The following PID1 variants were observed in gnomAD, a reference collection of about 807,000 sequenced individuals.
PID1 encodes the protein PTB-containing, cubilin and LRP1-interacting protein.
In PID1, 10 loss-of-function variants were observed where a neutral mutation model predicts 19.1. The ratio of observed to expected loss-of-function variants is 0.52; its 90% CI spans 0.32 to 0.89. The LOEUF (loss-of-function observed/expected upper bound fraction) is 0.89, where lower values mean the gene tolerates loss of function less well. Among genes scored for constraint, PID1 ranks in the 40% least tolerant of loss-of-function variants. PID1 has a pLI of 0.03. For missense variants in PID1, 248 were observed against 285.3 expected (o/e 0.87, Z 0.94); for synonymous variants, 130 against 116.0 (o/e 1.12, Z -0.78).
chr2:229,038,341 A>G (rs190922368), intron 2 of PID1, among the ~76,000 whole-genome samples: 174 of 152,332 alleles, frequency 1.1e-3, no homozygotes, highest in African/African-American at 4.0e-3. Flanking sequence ...ATCATGGGAT[A>G]CCACTCAGCA....
chr2:229,059,956 T>A (rs558028234), intron 2 of PID1, among the ~76,000 whole-genome samples: 15 of 152,100 alleles, frequency 9.9e-5, no homozygotes, highest in Non-Finnish European at 2.1e-4. Flanking sequence ...CAGGTCCTAT[T>A]TTTTCCCACC....
intron 1 of PID1, among the ~76,000 whole-genome samples, chr2:229,244,072 T>C (rs948007896): frequency 1.3e-5 from 2 of 152,170 alleles, no homozygotes; most frequent in Admixed American, 6.5e-5. Flanking sequence ...ATTTCTAATA[T>C]AAACATAAGA....
chr2:229,052,289 A>G (rs1047119942), intron 2 of PID1, among the ~76,000 whole-genome samples: 2 of 151,798 alleles, frequency 1.3e-5, no homozygotes, highest in African/African-American at 4.8e-5. Context: ...GCCCCTGGGG[A>G]AAAAAAAATC....
chr2:229,107,503 C>CAAAAAAAAAA (rs36057425), intron 2 of PID1, among the ~76,000 whole-genome samples: 2 of 119,238 alleles, frequency 1.7e-5, no homozygotes, highest in African/African-American at 3.1e-5. Flanking sequence ...AATATATCAC[C>CAAAAAAAAAA]AAAAAAAAAA....
chr2:229,207,623 C>T (rs768567825), intron 1 of PID1, among the ~76,000 whole-genome samples: 6 of 151,318 alleles, frequency 4.0e-5, no homozygotes, highest in Non-Finnish European at 7.4e-5. Flanking sequence ...CAGATGCAGA[C>T]GGTCAGACCC....
intron 2 of PID1, among the ~76,000 whole-genome samples, chr2:229,065,084 C>G (rs768003102): frequency 6.6e-6 from 1 of 152,138 alleles, no homozygotes; most frequent in Non-Finnish European, 1.5e-5. Flanking sequence ...ACAGCTTGCA[C>G]AGATGAACAG....
At chr2:229,232,059 C>T (rs530064354) in intron 1 of PID1, 7 of 1,538,322 alleles carry the variant, frequency 4.6e-6, no homozygotes, top group South Asian at 2.4e-5. Flanking sequence ...GAACATGGCA[C>T]GAAGCCTCTT....
chr2:229,127,875 C>T (rs1215504820), intron 2 of PID1, among the ~76,000 whole-genome samples: 4 of 152,240 alleles, frequency 2.6e-5, no homozygotes, highest in Non-Finnish European at 4.4e-5. Context: ...ATCTGTCTGT[C>T]TGTCTCTCTC....
At chr2:229,028,312 T>C (rs1453247107) in intron 2 of PID1, among the ~76,000 whole-genome samples, 1 of 152,234 alleles carries the variant, frequency 6.6e-6, no homozygotes, top group African/African-American at 2.4e-5. Context: ...TTTTACCCAA[T>C]ATTTTTAATC....
chr2:229,092,868 C>G (rs951178955), intron 2 of PID1, among the ~76,000 whole-genome samples: 2 of 152,192 alleles, frequency 1.3e-5, no homozygotes, highest in African/African-American at 4.8e-5. Context: ...TTGCCAAATT[C>G]TGGGTAAGAG....
At chr2:229,187,112 T>C (rs181394175) in intron 1 of PID1, among the ~76,000 whole-genome samples, 1 of 152,304 alleles carries the variant, frequency 6.6e-6, no homozygotes, top group African/African-American at 2.4e-5. Context: ...CTGGACCTTA[T>C]TGTTCGTATC....
chr2:229,110,265 A>G (rs974621436), intron 2 of PID1, among the ~76,000 whole-genome samples: 1 of 152,184 alleles, frequency 6.6e-6, no homozygotes. Context: ...ACTCAGAGTT[A>G]GCTGTGGAAG....
intron 1 of PID1, among the ~76,000 whole-genome samples, chr2:229,163,746 A>G (rs1160679042): frequency 2.0e-5 from 3 of 151,932 alleles, no homozygotes; most frequent in African/African-American, 7.2e-5. Flanking sequence ...ACACACACAC[A>G]CGCACACACA....
chr2:229,124,854 C>A (rs1695590911), intron 2 of PID1, among the ~76,000 whole-genome samples: 1 of 152,114 alleles, frequency 6.6e-6, no homozygotes, highest in Non-Finnish European at 1.5e-5. Context: ...AAGTCCTTAA[C>A]CAGCAAAAGA....
intron 1 of PID1, among the ~76,000 whole-genome samples, chr2:229,174,061 T>C (rs1309945525): frequency 6.6e-6 from 1 of 152,188 alleles, no homozygotes; most frequent in Non-Finnish European, 1.5e-5. Context: ...TGTTTCTGCA[T>C]GCACAAAAGG....
rs181123389 is a variant in PID1 at position 229,029,147 on chromosome 2, C to T, written c.178-3039G>A. ...CATGCTCACTACCTGGGCAACGGGA[C>T]CATTAACACACCAAACCTCGGCAAC... On this transcript the variant is annotated intron_variant, in intron 2 of 2. Transcript: ENST00000392055. 6.1e-4 allele frequency among the ~76,000 whole-genome samples: 93 copies of T among 151,840 alleles called. 1 individual carries two copies. The highest frequency in any genetic ancestry group is 6.1e-3 in the Admixed American group (93 of 15,246).
At chr2:229,270,993 C>T (rs775621762) in intron 1 of PID1, 21 bp downstream of exon 1, 1 of 1,329,672 alleles carries the variant, frequency 7.5e-7, no homozygotes, top group Non-Finnish European at 9.7e-7. Flanking sequence ...GGCTGGCCCC[C>T]GGCTCCCGGG....
At chr2:229,028,851 G>A (rs898747691) in intron 2 of PID1, among the ~76,000 whole-genome samples, 1 of 152,154 alleles carries the variant, frequency 6.6e-6, no homozygotes, top group East Asian at 1.9e-4. Flanking sequence ...AATTTCATAC[G>A]AAGTTACCCT....
intron 2 of PID1, among the ~76,000 whole-genome samples, chr2:229,145,209 A>G (rs1419581753): frequency 6.8e-6 from 1 of 146,920 alleles, no homozygotes; most frequent in Non-Finnish European, 1.5e-5. Context: ...CAGCATTTTA[A>G]AAGTTAACAT....
Sources: gnomAD v4.1 joint callset for allele counts (sites outside exome capture counted in the v4.1 genomes callset) on GRCh38, gnomAD v4.1.1 for gene constraint, MANE v1.5 for transcripts, NCBI Gene and HGNC (gene_info 2026-07-23, HGNC 2026-07-21) for gene names.